ORC4: variants seen among roughly 807,000 people sequenced by gnomAD.
ORC4 encodes the protein origin recognition complex subunit 4, also known as origin recognition complex, subunit 4 homolog.
A neutral mutation model predicts 63.9 loss-of-function variants in ORC4; 55 were observed. The observed-to-expected ratio is 0.86, with a 90% confidence interval of 0.69 to 1.08. The LOEUF (loss-of-function observed/expected upper bound fraction) is 1.08, where lower values mean the gene tolerates loss of function less well. Among genes scored for constraint, ORC4 ranks in the 50% least tolerant of loss-of-function variants. The probability of loss-of-function intolerance (pLI) is 0.00; values close to 1 mark genes in which losing one functional copy is unlikely to be tolerated. For missense variants in ORC4, 511 were observed against 504.4 expected (o/e 1.01, Z -0.13); for synonymous variants, 150 against 168.5 (o/e 0.89, Z 0.85).
chr2:148,016,040 A>G (rs1390282965), intron 1 of ORC4, among the ~76,000 whole-genome samples: 1 of 152,316 alleles, frequency 6.6e-6, no homozygotes, highest in African/African-American at 2.4e-5. Flanking sequence ...AACGTCAACC[A>G]TTCCACAGTT....
chr2:147,992,900 CT>C (rs1484449192), intron 1 of ORC4, among the ~76,000 whole-genome samples: 1 of 152,156 alleles, frequency 6.6e-6, no homozygotes, highest in East Asian at 1.9e-4. Flanking sequence ...ATATATTACT[CT>C]AATGTTCCCT....
intron 1 of ORC4, among the ~76,000 whole-genome samples, chr2:147,981,145 T>C (rs1690861745): frequency 6.6e-6 from 1 of 152,176 alleles, no homozygotes; most frequent in African/African-American, 2.4e-5. Flanking sequence ...CATAATCTAA[T>C]TTATACAGTA....
At chr2:147,984,205 C>T (rs17218938) in intron 1 of ORC4, among the ~76,000 whole-genome samples, 20,366 of 152,106 alleles carry the variant, frequency 0.13, 1,675 homozygotes, top group Middle Eastern at 0.2. Context: ...CTACCTCCTC[C>T]ACCTCTTCTA....
chr2:148,011,551 T>C (rs1338191372), intron 1 of ORC4, among the ~76,000 whole-genome samples: 2 of 152,172 alleles, frequency 1.3e-5, no homozygotes, highest in Non-Finnish European at 2.9e-5. Flanking sequence ...GCCTTTATTC[T>C]AGGATCTAGA....
chr2:147,995,519 C>CAATA (rs1691909526), intron 1 of ORC4, among the ~76,000 whole-genome samples: 1 of 152,136 alleles, frequency 6.6e-6, no homozygotes, highest in Admixed American at 6.5e-5. Flanking sequence ...TCGCTCTTCA[C>CAATA]AATAGATCTT....
At chr2:147,995,101 G>A (rs1030700019) in intron 1 of ORC4, among the ~76,000 whole-genome samples, 9 of 148,776 alleles carry the variant, frequency 6.0e-5, no homozygotes, top group Non-Finnish European at 7.4e-5. Flanking sequence ...ACCAATCAGC[G>A]CTCTGTGTCT....
intron 6 of ORC4, among the ~76,000 whole-genome samples, chr2:147,957,287 AGATT>A (rs776096291): frequency 4.9e-4 from 73 of 149,048 alleles, no homozygotes; most frequent in African/African-American, 1.4e-3. Flanking sequence ...ATAATTTTAT[AGATT>A]GATTATTAAA....
intron 5 of ORC4, 163 bp downstream of exon 5, chr2:147,958,625 CATT>C (rs1656581948): frequency 6.9e-6 from 4 of 577,628 alleles, no homozygotes; most frequent in Admixed American, 6.7e-5. Flanking sequence ...GCGACTCCTT[CATT>C]ATTATTATTT....
intron 7 of ORC4, among the ~76,000 whole-genome samples, chr2:147,953,320 T>C (rs1689067433): frequency 6.6e-6 from 1 of 152,074 alleles, no homozygotes; most frequent in Non-Finnish European, 1.5e-5. Context: ...AAATAAAAAG[T>C]GCAGTCTAGT....
rs528940723 is a variant in ORC4, at chr2:148,003,989, T to C, written c.-18+16644A>G. Among the ~76,000 whole-genome samples, 21 of 152,266 alleles carry C rather than the reference T, an allele frequency of 1.4e-4. No homozygotes were observed. In the East Asian group the frequency reaches 3.9e-3, roughly 28 times the overall value. ...AATAGACAAACAGAGAGCCAAGTCA[T>C]GAGTGAACTCCCATTCGCAATTCCT... On this transcript the variant is annotated intron_variant, in intron 1 of 13. Coordinates refer to ENST00000392857, the MANE Select transcript of ORC4 (RefSeq NM_181741.4).
chr2:148,009,376 C>T lies in ORC4; in HGVS notation c.-18+11257G>A, dbSNP rs534496882. Among the ~76,000 whole-genome samples the T allele has an allele frequency of 3.9e-5, 6 of 151,902 alleles. No individual in the cohort carries two copies. The East Asian group carries it at 9.7e-4, about 25-fold the overall frequency. ...AAAACATAGACTAACAACAAAAAGA[C>T]GGAAAAAGATACTGCACCAAACAGA... is the stretch of plus-strand genomic sequence containing the variant. On this transcript the variant is annotated intron_variant, in intron 1 of 13. Transcript: ENST00000392857.
Position 147,955,393 on chromosome 2 carries a change from T to A in ORC4, c.390A>T (p.Gly130=). 6.2e-7 allele frequency: 1 copy of A among 1,602,152 alleles called. No individual in the cohort carries two copies. Among genetic ancestry groups the A allele is most frequent in the Non-Finnish European group, 8.5e-7 (1 of 1,170,480 alleles). Residue 130 remains glycine (G), a splice_region_variant and synonymous_variant, in exon 7 of 14, where the codon GGA becomes GGT. Coordinates refer to ENST00000392857, the MANE Select transcript of ORC4 (RefSeq NM_181741.4). Reference sequence around the variant, plus strand: ...GAAATGAAAGGTTTTCAGCAAAGCTTCCCTGAACAACAAAATGAGATAAAA... The same window carrying A: ...GAAATGAAAGGTTTTCAGCAAAGCTACCCTGAACAACAAAATGAGATAAAA... The part of the protein sequence containing the change: ...LENVVGDKVF[G]SFAENLSFLL...
intron 2 of ORC4, among the ~76,000 whole-genome samples, chr2:147,975,510 A>T (rs901803214): frequency 2.9e-5 from 2 of 68,850 alleles, no homozygotes; most frequent in South Asian, 9.0e-4. Context: ...AAAAGGGAAA[A>T]AAAAAAAAAG....
intron 4 of ORC4, among the ~76,000 whole-genome samples, chr2:147,968,514 G>A (rs1304286949): frequency 1.3e-5 from 2 of 151,944 alleles, no homozygotes; most frequent in Admixed American, 6.6e-5. Context: ...CATACATATA[G>A]CCAACGAATA....
intron 8 of ORC4, among the ~76,000 whole-genome samples, chr2:147,949,589 A>G (rs1427863435): frequency 2.0e-5 from 3 of 152,192 alleles, no homozygotes; most frequent in African/African-American, 7.2e-5. Context: ...TTTTAAAAAC[A>G]GTGACATGAT....
At chr2:147,994,344 T>A (rs1344650245) in intron 1 of ORC4, among the ~76,000 whole-genome samples, 2 of 152,192 alleles carry the variant, frequency 1.3e-5, no homozygotes, top group East Asian at 1.9e-4. Context: ...TTTGTGGATA[T>A]GACAAACTGA....
intron 4 of ORC4, among the ~76,000 whole-genome samples, chr2:147,970,188 A>G: frequency 6.6e-6 from 1 of 152,110 alleles, no homozygotes; most frequent in African/African-American, 2.4e-5. Flanking sequence ...AACTACAAAA[A>G]CTGACAAAAG....
chr2:147,984,390 TAATAC>T (rs1691068018), intron 1 of ORC4, among the ~76,000 whole-genome samples: 2 of 151,952 alleles, frequency 1.3e-5, no homozygotes, highest in African/African-American at 4.8e-5. Context: ...TTTATTATAA[TAATAC>T]AATATATAAT....
At chr2:147,987,385 TATATATACACACACAC>T (rs1333690265) in intron 1 of ORC4, among the ~76,000 whole-genome samples, 1 of 139,544 alleles carries the variant, frequency 7.2e-6, no homozygotes, top group Admixed American at 7.1e-5. Context: ...TGTGTGTGTA[TATATATACACACACAC>T]ACACACACAC....
Sources: allele counts gnomAD v4.1 joint callset (sites outside exome capture counted in the v4.1 genomes callset), GRCh38; gene constraint gnomAD v4.1.1; transcripts MANE v1.5; gene names NCBI Gene and HGNC (gene_info 2026-07-23, HGNC 2026-07-21).